UBE2U: variants seen among roughly 807,000 people sequenced by gnomAD.
The protein encoded by UBE2U is ubiquitin-conjugating enzyme E2 U.
UBE2U carries 39 observed loss-of-function variants against 41.2 expected under a neutral mutation model. The ratio of observed to expected loss-of-function variants is 0.95; its 90% CI spans 0.73 to 1.24. The LOEUF (loss-of-function observed/expected upper bound fraction) is 1.24. UBE2U is among the 50% of genes most tolerant of loss of function. The probability of loss-of-function intolerance (pLI) is 0.00; values close to 1 mark genes in which losing one functional copy is unlikely to be tolerated. For missense variants in UBE2U, 336 were observed against 363.1 expected, an observed-to-expected ratio of 0.93 and a Z score of 0.61; for synonymous variants, 107 against 117.8, an observed-to-expected ratio of 0.91 and a Z score of 0.60.
At chr1:64,263,967 G>A (rs1234363333) in intron 9 of UBE2U, among the ~76,000 whole-genome samples, 2 of 152,164 alleles carry the variant, frequency 1.3e-5, no homozygotes, top group East Asian at 1.9e-4. Flanking sequence ...TCGTGTCAGT[G>A]CATCAGACTA....
chr1:64,208,779 C>T (rs371142871), intron 3 of UBE2U, among the ~76,000 whole-genome samples: 13 of 152,210 alleles, frequency 8.5e-5, no homozygotes, highest in Middle Eastern at 3.4e-3. Flanking sequence ...GGAAGGTCTA[C>T]GAACCTTTTA....
intron 8 of UBE2U, chr1:64,244,368 A>G (rs1260094325): frequency 1.4e-6 from 1 of 704,268 alleles, no homozygotes; most frequent in African/African-American, 1.9e-5. Context: ...TGTTACATAT[A>G]TAAAATAAAA....
At chr1:64,257,568 T>G (rs1047923779) in intron 8 of UBE2U, among the ~76,000 whole-genome samples, 1 of 152,022 alleles carries the variant, frequency 6.6e-6, no homozygotes. Context: ...TGATGAGAGC[T>G]CATGGACACA....
At chr1:64,210,880 A>G in intron 4 of UBE2U, 41 bp downstream of exon 4, 1 of 1,354,970 alleles carries the variant, frequency 7.4e-7, no homozygotes, top group Non-Finnish European at 1.0e-6. Flanking sequence ...TAATACTTTT[A>G]ATTACCCTAA....
intron 9 of UBE2U, among the ~76,000 whole-genome samples, chr1:64,264,756 C>T (rs963483447): frequency 4.6e-5 from 7 of 152,068 alleles, no homozygotes; most frequent in Non-Finnish European, 1.0e-4. Context: ...AGTTTGAGAC[C>T]AGCCTGGCCA....
chr1:64,264,651 A>G (rs1645227691), intron 9 of UBE2U, among the ~76,000 whole-genome samples: 1 of 152,088 alleles, frequency 6.6e-6, no homozygotes, highest in South Asian at 2.1e-4. Flanking sequence ...TTCCCTTCCC[A>G]GTAACTAGTT....
intron 6 of UBE2U, among the ~76,000 whole-genome samples, chr1:64,224,666 T>C (rs1400665658): frequency 6.7e-6 from 1 of 150,080 alleles, no homozygotes; most frequent in African/African-American, 2.5e-5. Context: ...GAGGTTGCAG[T>C]GAGCCGAGAT....
intron 7 of UBE2U, among the ~76,000 whole-genome samples, chr1:64,236,049 C>T (rs912466502): frequency 6.6e-6 from 1 of 152,010 alleles, no homozygotes; most frequent in Admixed American, 6.6e-5. Context: ...TCAGATTTAC[C>T]AGAGTTTCAT....
intron 6 of UBE2U, among the ~76,000 whole-genome samples, chr1:64,223,186 C>T (rs971533755): frequency 1.3e-5 from 2 of 152,190 alleles, no homozygotes; most frequent in African/African-American, 2.4e-5. Context: ...ATTAATATGT[C>T]ATCCCTAACC....
In UBE2U at chr1:64,244,027, A is replaced by G. The variant is rs1353839157; in HGVS notation, c.677+2294A>G. 5.2e-6 allele frequency: 4 copies of G among 767,148 alleles called. No homozygotes were observed. The Admixed American group carries it at 7.2e-5, about 14-fold the overall frequency. 47.5% of individuals were successfully genotyped at this position (767,148 alleles called of 1,614,324 possible). On this transcript the variant is annotated intron_variant, in intron 8 of 9. Transcript: ENST00000371077. ...GTGTGAGGATTAAATAAATTAATAT[A>G]TGTAAAATGCTTCAAACAGTATCTG...
In UBE2U at chr1:64,267,112, A is replaced by G; in HGVS notation, c.858A>G (p.Ser286=). ...TEEEGWKSDT[S]LYENDTDEPR... ...AGGAGGGGTGGAAGAGTGACACTTC[A>G]TTATATGAAAATGACACAGATGAGC... The change falls in exon 10 of 10, where the codon TCA becomes TCG. Residue 286 remains serine, a synonymous_variant. Coordinates refer to ENST00000371077, the MANE Select transcript of UBE2U (RefSeq NM_001366232.2). 2 of 1,550,498 alleles carry G rather than the reference A, an allele frequency of 1.3e-6. No homozygotes were observed. The highest frequency in any genetic ancestry group is 1.7e-6 in the Non-Finnish European group (2 of 1,146,950).
chr1:64,229,443 G>C (rs1048673001), intron 6 of UBE2U, among the ~76,000 whole-genome samples: 2 of 152,182 alleles, frequency 1.3e-5, no homozygotes, highest in African/African-American at 4.8e-5. Context: ...ATTTCACTGA[G>C]TGCTCAAAAC....
At chr1:64,239,181 G>GAAGAAGA (rs1644784093) in intron 7 of UBE2U, among the ~76,000 whole-genome samples, 1 of 134,728 alleles carries the variant, frequency 7.4e-6, no homozygotes, top group Admixed American at 7.5e-5. Context: ...AGAAGAAGAA[G>GAAGAAGA]AAGAAGAAGA....
chr1:64,212,270 G>A (rs570038419), intron 4 of UBE2U, among the ~76,000 whole-genome samples: 35 of 152,174 alleles, frequency 2.3e-4, no homozygotes, highest in Non-Finnish European at 4.7e-4. Flanking sequence ...CTAAACTAGA[G>A]TCTGCCCTAA....
intron 6 of UBE2U, among the ~76,000 whole-genome samples, chr1:64,228,108 G>T (rs1653002708): frequency 6.6e-6 from 1 of 152,150 alleles, no homozygotes; most frequent in Non-Finnish European, 1.5e-5. Context: ...GACATAGAAT[G>T]AGAAAGCAAT....
rs1644737300 is a variant in UBE2U at position 64,239,092 on chromosome 1, G to GAAGAAA, written c.596-2560_596-2559insAAGAAA. On this transcript the variant is annotated intron_variant, in intron 7 of 9. Coordinates refer to ENST00000371077, the MANE Select transcript of UBE2U (RefSeq NM_001366232.2). ...AGGAAGAGGAAGAGGAAGAGGAAGA[G>GAAGAAA]GAAGAAGAAGAAGAAGAAGAAGAAG... is the stretch of plus-strand genomic sequence containing the variant. 5.6e-4 allele frequency among the ~76,000 whole-genome samples: 24 copies of GAAGAAA among 42,730 alleles called. 2 individuals are homozygous for GAAGAAA. Among genetic ancestry groups the GAAGAAA allele is most frequent in the African/African-American group, 2.1e-3 (21 of 9,996 alleles). 28.0% of individuals were successfully genotyped at this position (42,730 alleles called of 152,430 possible).
At chr1:64,231,888 A>G (rs1038935150) in intron 6 of UBE2U, among the ~76,000 whole-genome samples, 1 of 152,338 alleles carries the variant, frequency 6.6e-6, no homozygotes, top group South Asian at 2.1e-4. Flanking sequence ...TTTTGTTTAT[A>G]GAGTGTTGAG....
intron 9 of UBE2U, among the ~76,000 whole-genome samples, chr1:64,261,067 A>C (rs1259667397): frequency 6.6e-6 from 1 of 152,232 alleles, no homozygotes; most frequent in Non-Finnish European, 1.5e-5. Flanking sequence ...AATATGGTTG[A>C]AAAGAAAGAA....
At chr1:64,211,194 T>C (rs1651642472) in intron 4 of UBE2U, among the ~76,000 whole-genome samples, 1 of 152,236 alleles carries the variant, frequency 6.6e-6, no homozygotes, top group Non-Finnish European at 1.5e-5. Flanking sequence ...TTTCTTCATT[T>C]ATGGACCTTG....
Sources: gnomAD v4.1 joint callset for allele counts (sites outside exome capture counted in the v4.1 genomes callset) on GRCh38, gnomAD v4.1.1 for gene constraint, MANE v1.5 for transcripts, NCBI Gene and HGNC (gene_info 2026-07-23, HGNC 2026-07-21) for gene names.